BBS9: variants seen among roughly 807,000 people sequenced by gnomAD.
BBS9 encodes the protein protein PTHB1.
In BBS9, 89 loss-of-function variants were observed where a neutral mutation model predicts 117.7. The ratio of observed to expected loss-of-function variants is 0.76; its 90% confidence interval spans 0.64 to 0.90. The LOEUF (loss-of-function observed/expected upper bound fraction) is 0.90. BBS9 is among the 40% of genes least tolerant of loss of function. BBS9 has a pLI of 0.00. For missense variants in BBS9, 982 were observed against 1,042.2 expected (o/e 0.94, Z 0.80); for synonymous variants, 379 against 370.9 (o/e 1.02, Z -0.25).
At chr7:33,327,524 C>A (rs539238087) in intron 9 of BBS9, among the ~76,000 whole-genome samples, 23 of 152,152 alleles carry the variant, frequency 1.5e-4, no homozygotes, top group African/African-American at 4.8e-4. Context: ...CATAGCAAGA[C>A]CCTATATCTA....
At chr7:33,272,875 AT>A in intron 7 of BBS9, 136 bp from the exon 8 acceptor site, 1 of 880,566 alleles carries the variant, frequency 1.1e-6, no homozygotes, top group Non-Finnish European at 1.8e-6. Context: ...AAAAAAAAGA[AT>A]AAAGAAATGA....
intron 16 of BBS9, among the ~76,000 whole-genome samples, chr7:33,362,243 C>A (rs1820756545): frequency 6.6e-6 from 1 of 152,120 alleles, no homozygotes; most frequent in Admixed American, 6.5e-5. Context: ...TTAACAGAAT[C>A]TTTGGAAAAG....
At chr7:33,385,288 A>AGG (rs1825813122) in intron 18 of BBS9, among the ~76,000 whole-genome samples, 1 of 152,148 alleles carries the variant, frequency 6.6e-6, no homozygotes. Context: ...AGGCACTTTC[A>AGG]TTTGTTACAC....
intron 20 of BBS9, among the ~76,000 whole-genome samples, chr7:33,529,434 G>T (rs1431655339): frequency 6.6e-6 from 1 of 152,132 alleles, no homozygotes; most frequent in African/African-American, 2.4e-5. Context: ...GTAAAGCCAA[G>T]GTCTGGAAAC....
At chr7:33,635,129 T>A (rs1866082968) in intron 21 of BBS9, among the ~76,000 whole-genome samples, 1 of 152,126 alleles carries the variant, frequency 6.6e-6, no homozygotes, top group Admixed American at 6.5e-5. Context: ...GCTGTGGGTG[T>A]TGGATGCCTC....
chr7:33,144,097 C>T (rs111748453), intron 1 of BBS9, among the ~76,000 whole-genome samples: 23 of 152,160 alleles, frequency 1.5e-4, no homozygotes, highest in African/African-American at 3.9e-4. Flanking sequence ...AATGAGAAAG[C>T]GAAAGTACAG....
chr7:33,567,952 C>G (rs1021488273), intron 21 of BBS9, among the ~76,000 whole-genome samples: 1 of 152,208 alleles, frequency 6.6e-6, no homozygotes, highest in Admixed American at 6.5e-5. Flanking sequence ...TAGGCCACCA[C>G]TATTGCTACA....
intron 5 of BBS9, among the ~76,000 whole-genome samples, chr7:33,248,694 G>A (rs913911925): frequency 1.3e-5 from 2 of 152,142 alleles, no homozygotes; most frequent in African/African-American, 4.8e-5. Context: ...TTGCAATAAA[G>A]ATTAATGTGT....
At chr7:33,383,128 G>A (rs1231560628) in intron 17 of BBS9, among the ~76,000 whole-genome samples, 4 of 152,108 alleles carry the variant, frequency 2.6e-5, no homozygotes, top group Non-Finnish European at 5.9e-5. Flanking sequence ...GGAATAAAGG[G>A]AAACAAGATT....
chr7:33,613,737 A>G (rs1435236551), intron 21 of BBS9, among the ~76,000 whole-genome samples: 2 of 152,058 alleles, frequency 1.3e-5, no homozygotes, highest in Non-Finnish European at 2.9e-5. Flanking sequence ...AGTATATAGT[A>G]TTCCCTTAAA....
intron 7 of BBS9, among the ~76,000 whole-genome samples, chr7:33,268,477 C>T (rs1379963032): frequency 6.6e-6 from 1 of 152,176 alleles, no homozygotes; most frequent in African/African-American, 2.4e-5. Flanking sequence ...AATCATGCCA[C>T]TCACCTCGTT....
At chr7:33,430,614 G>A (rs952983397) in intron 19 of BBS9, among the ~76,000 whole-genome samples, 1 of 152,144 alleles carries the variant, frequency 6.6e-6, no homozygotes, top group Non-Finnish European at 1.5e-5. Flanking sequence ...CCAAATTCTA[G>A]AATTTATCCT....
chr7:33,329,845 T>C (rs1813632428), intron 9 of BBS9, among the ~76,000 whole-genome samples: 1 of 152,176 alleles, frequency 6.6e-6, no homozygotes, highest in African/African-American at 2.4e-5. Context: ...TTAAAAAGTT[T>C]TAAAATGTAC....
intron 9 of BBS9, 78 bp downstream of exon 9, chr7:33,274,034 C>T (rs1051957149): frequency 1.3e-6 from 2 of 1,491,078 alleles, no homozygotes; most frequent in Non-Finnish European, 1.9e-6. Context: ...GAAATAATGA[C>T]AAGTGATTTT....
intron 21 of BBS9, among the ~76,000 whole-genome samples, chr7:33,547,550 G>T (rs1853605641): frequency 1.3e-5 from 2 of 152,160 alleles, no homozygotes; most frequent in Non-Finnish European, 2.9e-5. Flanking sequence ...AAAAAGGAAA[G>T]CTTAGTGAAG....
At chr7:33,607,255 T>G (rs938995419), downstream of BBS9, among the ~76,000 whole-genome samples, 1 of 152,134 alleles carries the variant, frequency 6.6e-6, no homozygotes, top group African/African-American at 2.4e-5. Context: ...TTTAGAACAT[T>G]GTGGTCTAAC....
rs776690298 is a variant in BBS9 at position 33,388,100 on chromosome 7, C to G, written c.2071C>G (p.Pro691Ala). 2.5e-6 allele frequency: 4 copies of G among 1,614,016 alleles called. No homozygotes were observed. Among genetic ancestry groups the G allele is most frequent in the East Asian group, 2.2e-5 (1 of 44,884 alleles). The change falls in exon 19 of 23, where the codon CCT (proline) becomes GCT (alanine). Residue 691 changes from proline (P) to alanine (A), a missense_variant. Transcript: ENST00000242067. The stretch of plus-strand genomic sequence containing the variant: ...AAGATTCAAAGATAAAACTCCTGCC[C>G]CTCTTCAACACCTGGACACCTTGTT... ...LARFKDKTPA[P>A]LQHLDTLLDG...
Position 33,197,979 on chromosome 7 carries a change from T to A in BBS9, c.442+20388T>A, listed in dbSNP as rs542114709. Among the ~76,000 whole-genome samples, 22 of 152,108 alleles carry A rather than the reference T, an allele frequency of 1.4e-4. No homozygotes were observed. The East Asian group carries it at 2.9e-3, about 20-fold the overall frequency. On this transcript the variant is annotated intron_variant, in intron 5 of 22. Coordinates refer to ENST00000242067, the MANE Select transcript of BBS9 (RefSeq NM_198428.3). ...TCAGTATTTCATATTGTACATAATT[T>A]CAGTCACTTCTGGCTAACTTAGAAT...
intron 15 of BBS9, 76 bp downstream of exon 15, chr7:33,352,949 G>A: frequency 2.7e-6 from 4 of 1,456,338 alleles, no homozygotes; most frequent in Non-Finnish European, 3.8e-6. Context: ...ATTATACCAT[G>A]AATGAACTCT....
Sources: allele counts gnomAD v4.1 joint callset (sites outside exome capture counted in the v4.1 genomes callset), GRCh38; gene constraint gnomAD v4.1.1; transcripts MANE v1.5; gene names NCBI Gene and HGNC (gene_info 2026-07-23, HGNC 2026-07-21).